The following DSG2 variants were observed in gnomAD, a reference collection of about 807,000 sequenced individuals.
DSG2 encodes desmoglein-2.
Under a neutral mutation model 75.6 loss-of-function variants are expected in DSG2, and 45 were observed. The observed-to-expected ratio is 0.60, with a 90% CI of 0.47 to 0.76. The LOEUF is 0.76. DSG2 is among the 30% of genes least tolerant of loss of function. DSG2 has a pLI of 0.00. For synonymous variants in DSG2, 429 were observed against 483.9 expected (o/e 0.89, Z 1.49); for missense variants, 1,267 against 1,357.4 (o/e 0.93, Z 1.05).
chr18:31,519,832 G>C lies in DSG2; in HGVS notation c.111G>C (p.Leu37=), dbSNP rs1568104775. ...TAAGCACAAGAAATGAAAATAAGCT[G>C]CTTCCTAAACATCCTCATTTAGTGC... ...QVLSTRNENK[L]LPKHPHLVRQ... is the part of the protein sequence containing the mutation. Residue 37 remains leucine (L), a synonymous_variant, in exon 3 of 15, where the codon CTG becomes CTC. Transcript: ENST00000261590. 1.9e-6 allele frequency: 3 copies of C among 1,614,158 alleles called. No homozygotes were observed. The highest frequency in any genetic ancestry group is 2.5e-6 in the Non-Finnish European group (3 of 1,180,026).
intron 1 of DSG2, among the ~76,000 whole-genome samples, chr18:31,513,546 A>G (rs1323533853): frequency 1.3e-5 from 2 of 152,240 alleles, no homozygotes; most frequent in African/African-American, 4.8e-5. Flanking sequence ...ACCTGAGAGT[A>G]CAAAGTAGAG....
At chr18:31,512,347 C>T (rs1374169393) in intron 1 of DSG2, among the ~76,000 whole-genome samples, 1 of 152,216 alleles carries the variant, frequency 6.6e-6, no homozygotes, top group Non-Finnish European at 1.5e-5. Context: ...TCTGTTGCCT[C>T]TGCCTTCAAA....
intron 6 of DSG2, among the ~76,000 whole-genome samples, chr18:31,523,140 G>A (rs1476864390): frequency 6.6e-6 from 1 of 152,138 alleles, no homozygotes; most frequent in African/African-American, 2.4e-5. Context: ...GGTGGCTCAT[G>A]CCTGTAATGC....
At chr18:31,498,437 A>G in intron 1 of DSG2, 141 bp downstream of exon 1, 1 of 940,172 alleles carries the variant, frequency 1.1e-6, no homozygotes. Flanking sequence ...GAGGGGGGAA[A>G]AGGGCCGGGC....
intron 1 of DSG2, among the ~76,000 whole-genome samples, chr18:31,498,736 CG>C (rs1347374771): frequency 6.6e-6 from 1 of 152,082 alleles, no homozygotes; most frequent in East Asian, 1.9e-4. Flanking sequence ...CTCCTCTAGC[CG>C]CCGACACAAG....
chr18:31,522,409 C>T, intron 6 of DSG2, 160 bp downstream of exon 6: 1 of 693,558 alleles, frequency 1.4e-6, no homozygotes, highest in Non-Finnish European at 2.4e-6. Context: ...CAATATGGGC[C>T]ATGTGACTAT....
At position 31,524,746 on chromosome 18, in the gene DSG2, C is replaced by T. The variant is rs774563205; in HGVS notation, c.872C>T (p.Thr291Met). ...GAAAATCAAGTCAACGTAGAAGTTA[C>T]GCGCATAAAAGTGTTCGATGCAGAT... is the stretch of plus-strand genomic sequence containing the variant. ...VEENQVNVEVTRIKVFDADEI... is the reference protein window; with the variant it reads ...VEENQVNVEVMRIKVFDADEI... The change falls in exon 8 of 15, where the codon ACG (threonine) becomes ATG (methionine). Residue 291 changes from threonine to methionine, a missense_variant. Thr to Met is a moderately conservative substitution (Grantham distance 81). Coordinates refer to ENST00000261590, the MANE Select transcript of DSG2 (RefSeq NM_001943.5). 32 of 1,613,984 alleles carry T rather than the reference C, an allele frequency of 2.0e-5. No homozygotes were observed. The highest frequency in any genetic ancestry group is 1.1e-4 in the South Asian group (10 of 91,080).
intron 1 of DSG2, among the ~76,000 whole-genome samples, chr18:31,499,749 A>G (rs1170093089): frequency 6.6e-6 from 1 of 152,178 alleles, no homozygotes; most frequent in Non-Finnish European, 1.5e-5. Context: ...TAATCTTCAA[A>G]TAATGTAGCA....
At chr18:31,543,088 T>C (rs188193250) in intron 14 of DSG2, 1 of 427,278 alleles carries the variant, frequency 2.3e-6, no homozygotes, top group Admixed American at 4.0e-5. Flanking sequence ...CACACAGGCA[T>C]ATTTCTCACT....
chr18:31,531,338 C>T, intron 9 of DSG2, 86 bp downstream of exon 9: 5 of 1,474,116 alleles, frequency 3.4e-6, no homozygotes, highest in Non-Finnish European at 4.7e-6. Context: ...CTGAACACTT[C>T]ATTCCTTCAA....
At chr18:31,528,568 G>C (rs527389810) in intron 8 of DSG2, among the ~76,000 whole-genome samples, 1 of 151,990 alleles carries the variant, frequency 6.6e-6, no homozygotes, top group East Asian at 1.9e-4. Context: ...AAATTAGCCA[G>C]GTTTGGTAGT....
chr18:31,498,218 C>CG lies in DSG2; in HGVS notation c.-32dup, dbSNP rs1166669597. The stretch of plus-strand genomic sequence containing the variant: ...GCTCGGGGCAGGCGGCGGCGCGGAG[C>CG]GGTGCGGCGGCGGGAGGCGGAGGCG... On this transcript the variant is annotated 5_prime_UTR_variant, in exon 1 of 15. Transcript: ENST00000261590. The CG allele has an allele frequency of 8.0e-7, 1 of 1,243,812 alleles. No homozygotes were observed. Among genetic ancestry groups the CG allele is most frequent in the Non-Finnish European group, 1.0e-6 (1 of 991,026 alleles). The allele number at this position is 1,243,812 out of a possible 1,614,324, so 77.0% of individuals were successfully genotyped here.
In DSG2 at chr18:31,519,397, C is replaced by G. The variant is rs571215503; in HGVS notation, c.82-406C>G. On this transcript the variant is annotated intron_variant, in intron 2 of 14. Coordinates refer to ENST00000261590, the MANE Select transcript of DSG2 (RefSeq NM_001943.5). ...TAGGCAACATGGTGAAACCCCATAG[C>G]TACTAAAAATACAAAAATTAGCCAG... 1.5e-3 allele frequency among the ~76,000 whole-genome samples: 223 copies of G among 152,154 alleles called. 2 individuals carry two copies. The highest frequency in any genetic ancestry group is 3.4e-3 in the Middle Eastern group (1 of 294).
In DSG2 at chr18:31,524,905, C is replaced by A. The variant is rs1156779381; in HGVS notation, c.1014+17C>A. The A allele has an allele frequency of 6.2e-7, 1 of 1,613,342 alleles. No individual in the cohort carries two copies. On this transcript the variant is annotated intron_variant, in intron 8 of 14. Coordinates refer to ENST00000261590, the MANE Select transcript of DSG2 (RefSeq NM_001943.5). The stretch of plus-strand genomic sequence containing the variant: ...CTTATTAAGGTAAGTACTAAGTATT[C>A]AAAACTGGCGTGGGCCAAGTTGGTG...
chr18:31,540,612 G>T (rs57544962), intron 12 of DSG2, among the ~76,000 whole-genome samples: 2 of 152,172 alleles, frequency 1.3e-5, no homozygotes, highest in Non-Finnish European at 2.9e-5. Flanking sequence ...ACATAAAAAC[G>T]AATCTAGGCA....
chr18:31,537,344 G>A (rs1487154190), intron 11 of DSG2, among the ~76,000 whole-genome samples: 1 of 152,168 alleles, frequency 6.6e-6, no homozygotes, highest in Admixed American at 6.5e-5. Flanking sequence ...TCCCAGCCAG[G>A]TGCGGTGGCT....
chr18:31,505,332 T>G (rs2073033338), intron 1 of DSG2, among the ~76,000 whole-genome samples: 1 of 152,230 alleles, frequency 6.6e-6, no homozygotes, highest in South Asian at 2.1e-4. Context: ...ATCTCCTTGC[T>G]AAACCTCTCC....
intron 6 of DSG2, 119 bp downstream of exon 6, chr18:31,522,368 T>G (rs1287045911): frequency 9.8e-7 from 1 of 1,023,592 alleles, no homozygotes; most frequent in East Asian, 2.6e-5. Context: ...GGATAACTCT[T>G]GGAATTACTC....
At position 31,542,850 on chromosome 18, in the gene DSG2, G is replaced by A; in HGVS notation, c.2332G>A (p.Asp778Asn). Residue 778 changes from aspartate (D) to asparagine (N), a missense_variant and splice_region_variant, in exon 14 of 15, where the codon GAT (aspartate) becomes AAT (asparagine). Physicochemically the swap from Asp to Asn is conservative, Grantham distance 23. Coordinates refer to ENST00000261590, the MANE Select transcript of DSG2 (RefSeq NM_001943.5). The part of the protein sequence containing the change: ...NEEFLRNYFT[D>N]KAASYTEEDE... ...AGAATTCTTAAGAAATTATTTCACTGATGTAAGGATGAGTTTTATGTATTG... is the reference window on the plus strand; with the variant it reads ...AGAATTCTTAAGAAATTATTTCACTAATGTAAGGATGAGTTTTATGTATTG... 2 of 1,286,630 alleles carry A rather than the reference G, an allele frequency of 1.6e-6. No homozygotes were observed. The highest frequency in any genetic ancestry group is 2.1e-6 in the Non-Finnish European group (2 of 946,176). The allele number at this position is 1,286,630 out of a possible 1,614,324, so 79.7% of individuals were successfully genotyped here.
Sources: allele counts gnomAD v4.1 joint callset (sites outside exome capture counted in the v4.1 genomes callset), GRCh38; gene constraint gnomAD v4.1.1; transcripts MANE v1.5; gene names NCBI Gene and HGNC (gene_info 2026-07-23, HGNC 2026-07-21).